The following C4orf54 variants were observed in gnomAD, a reference collection of about 807,000 sequenced individuals.
The protein encoded by C4orf54 is uncharacterized protein C4orf54.
Under a neutral mutation model 80.1 loss-of-function variants are expected in C4orf54, and 67 were observed. The ratio of observed to expected loss-of-function variants is 0.84; its 90% confidence interval spans 0.69 to 1.03. C4orf54 has a LOEUF of 1.03. Among genes scored for constraint, C4orf54 ranks in the 50% least tolerant of loss-of-function variants. The probability of loss-of-function intolerance (pLI) is 0.00; values close to 1 mark genes in which losing one functional copy is unlikely to be tolerated. For synonymous variants in C4orf54, 1,000 were observed against 917.0 expected (o/e 1.09, Z -1.64); for missense variants, 2,434 against 2,253.5 (o/e 1.08, Z -1.62).
At chr4:99,656,937 C>T (rs1474599536) in intron 1 of C4orf54, among the ~76,000 whole-genome samples, 1 of 152,226 alleles carries the variant, frequency 6.6e-6, no homozygotes, top group Non-Finnish European at 1.5e-5. Flanking sequence ...AATTTCATTT[C>T]ATCTGCGTGA....
chr4:99,641,360 G>A (rs1041443901), intron 2 of C4orf54, among the ~76,000 whole-genome samples, 164 bp from the exon 3 acceptor site: 1 of 152,000 alleles, frequency 6.6e-6, no homozygotes, highest in South Asian at 2.1e-4. Context: ...ACATGTGCTT[G>A]GCAAATGTGT....
At chr4:99,644,128 G>A (rs368433783) in intron 2 of C4orf54, among the ~76,000 whole-genome samples, 5 of 152,220 alleles carry the variant, frequency 3.3e-5, no homozygotes, top group African/African-American at 7.2e-5. Flanking sequence ...ATAAGAGCAC[G>A]GGCCACGGAG....
chr4:99,649,828 C>T lies in C4orf54; in HGVS notation c.4821G>A (p.Gln1607=), dbSNP rs749056642. The T allele has an allele frequency of 1.3e-6, 2 of 1,535,150 alleles. No homozygotes were observed. The highest frequency in any genetic ancestry group is 2.4e-5 in the South Asian group (2 of 84,048). ...CATCCAGGAGCATCTTACGCTGGGTCTGTTGAGGCTGTGCCTGCTGGAAGG... is the reference window on the plus strand; with the variant it reads ...CATCCAGGAGCATCTTACGCTGGGTTTGTTGAGGCTGTGCCTGCTGGAAGG... The part of the protein sequence containing the change: ...TDPFQQAQPQ[Q]TQRKMLLDVT... Residue 1607 remains glutamine, a synonymous_variant, in exon 2 of 3, where the codon CAG becomes CAA. Transcript: ENST00000511828.
chr4:99,655,872 C>T (rs974514950), intron 1 of C4orf54, among the ~76,000 whole-genome samples: 3 of 152,212 alleles, frequency 2.0e-5, no homozygotes, highest in Non-Finnish European at 4.4e-5. Context: ...TTGCAGGGAA[C>T]AAAAATAACA....
In C4orf54 at chr4:99,650,315, C is replaced by A; in HGVS notation, c.4334G>T (p.Arg1445Leu). ...LRSLKISPAT[R>L]APPDEVTNRK... ...GTTGGTCACCTCATCAGGAGGTGCC[C>A]GGGTGGCTGGAGAGATCTTGAGGGA... is the stretch of plus-strand genomic sequence containing the variant. Residue 1445 changes from arginine to leucine, a missense_variant, in exon 2 of 3, where the codon CGG (arginine) becomes CTG (leucine). By Grantham distance (102) the Arg-to-Leu change is moderately radical. Coordinates refer to ENST00000511828, the MANE Select transcript of C4orf54 (RefSeq NM_001354435.2). The A allele has an allele frequency of 6.5e-7, 1 of 1,536,016 alleles. No individual in the cohort carries two copies. The highest frequency in any genetic ancestry group is 8.7e-7 in the Non-Finnish European group (1 of 1,146,894).
In C4orf54 at chr4:99,649,372, A is replaced by C; in HGVS notation, c.5277T>G (p.His1759Gln). ...LLGAKAFAQL[H>Q]GKPVISITSQ... is the part of the protein sequence containing the mutation. ...AAGTAATGCTGATGACAGGCTTGCC[A>C]TGCAGCTGGGCAAAGGCCTTGGCCC... The change falls in exon 2 of 3, where the codon CAT (histidine) becomes CAG (glutamine). Residue 1759 changes from histidine (H) to glutamine (Q), a missense_variant. By Grantham distance (24) the His-to-Gln change is conservative. Transcript: ENST00000511828. The C allele has an allele frequency of 6.5e-7, 1 of 1,536,138 alleles. No individual in the cohort carries two copies. The highest frequency in any genetic ancestry group is 8.7e-7 in the Non-Finnish European group (1 of 1,146,910).
At chr4:99,649,183 A>G in intron 2 of C4orf54, 48 bp downstream of exon 2, 4 of 1,410,694 alleles carry the variant, frequency 2.8e-6, no homozygotes, top group Non-Finnish European at 3.7e-6. Flanking sequence ...ACAAAAAAAT[A>G]TTGTTCTTAC....
chr4:99,647,552 CAG>C (rs1384572879), intron 2 of C4orf54, among the ~76,000 whole-genome samples: 1 of 152,136 alleles, frequency 6.6e-6, no homozygotes, highest in African/African-American at 2.4e-5. Context: ...TATCATCACA[CAG>C]TGTCTGTTGC....
In C4orf54 at chr4:99,652,118, G is replaced by T; in HGVS notation, c.2531C>A (p.Thr844Asn). 6.5e-7 allele frequency: 1 copy of T among 1,536,084 alleles called. No homozygotes were observed. Among genetic ancestry groups the T allele is most frequent in the South Asian group, 1.2e-5 (1 of 84,064 alleles). The change falls in exon 2 of 3, where the codon ACC (threonine) becomes AAC (asparagine). Residue 844 changes from threonine (T) to asparagine (N), a missense_variant. Thr to Asn is a moderately conservative substitution (Grantham distance 65). Transcript: ENST00000511828. Reference sequence around the variant, plus strand: ...GCGGGCGCCCTCCGTCTCCTTGGAGGTGCCTGAGAGGTGGTGGGATGTATC... The same window carrying T: ...GCGGGCGCCCTCCGTCTCCTTGGAGTTGCCTGAGAGGTGGTGGGATGTATC... ...VMDTSHHLSG[T>N]SKETEGARGS...
Position 99,649,260 on chromosome 4 carries a change from C to T in C4orf54, c.*7G>A, listed in dbSNP as rs1560636616. 5.4e-6 allele frequency: 8 copies of T among 1,495,056 alleles called. No individual in the cohort carries two copies. Among genetic ancestry groups the T allele is most frequent in the Non-Finnish European group, 7.1e-6 (8 of 1,123,662 alleles). The allele number at this position is 1,495,056 out of a possible 1,614,324, so 92.6% of individuals were successfully genotyped here. A position where few individuals can be genotyped will look rare whatever the true frequency, so the allele number is the denominator to read the frequency against. On this transcript the variant is annotated 3_prime_UTR_variant, in exon 2 of 3. Transcript: ENST00000511828. ...AGTTTTTCATTCCGCTTCCTGGTGG[C>T]TGCTCATCATCTGTGTTCTACCACA...
At position 99,650,015 on chromosome 4, in the gene C4orf54, G is replaced by A. The variant is rs915328392; in HGVS notation, c.4634C>T (p.Ala1545Val). 2.0e-6 allele frequency: 3 copies of A among 1,534,136 alleles called. No homozygotes were observed. The highest frequency in any genetic ancestry group is 1.4e-5 in the African/African-American group (1 of 73,048). ...CTCGGGGCTCTGTGGCCCTGGGGGGGCAGCTACTGTCTCCCGGGGGTTGTC... is the reference window on the plus strand; with the variant it reads ...CTCGGGGCTCTGTGGCCCTGGGGGGACAGCTACTGTCTCCCGGGGGTTGTC... ...KPDNPRETVAAPPGPQSPEHP... is the reference protein window; with the variant it reads ...KPDNPRETVAVPPGPQSPEHP... The change falls in exon 2 of 3, where the codon GCC becomes GTC. Residue 1545 changes from alanine (A) to valine (V), a missense_variant. Coordinates refer to ENST00000511828, the MANE Select transcript of C4orf54 (RefSeq NM_001354435.2).
intron 2 of C4orf54, among the ~76,000 whole-genome samples, chr4:99,643,794 C>CACACACA (rs1560634918): frequency 0.011 from 743 of 64,966 alleles, 5 homozygotes; most frequent in African/African-American, 0.021. Flanking sequence ...ACACACACAC[C>CACACACA]CCCTCCGCGG....
chr4:99,652,182 G>C lies in C4orf54; in HGVS notation c.2467C>G (p.Arg823Gly). The change falls in exon 2 of 3, where the codon CGG becomes GGG. Residue 823 changes from arginine (R) to glycine (G), a missense_variant. Transcript: ENST00000511828. ...LKNVISKKMQREHEFKMERGE... is the reference protein window; with the variant it reads ...LKNVISKKMQGEHEFKMERGE... ...CTCTCCATTTTGAACTCGTGTTCCC[G>C]CTGCATCTTCTTGGAAATGACATTT... 6.5e-7 allele frequency: 1 copy of C among 1,535,976 alleles called. No homozygotes were observed. The highest frequency in any genetic ancestry group is 8.7e-7 in the Non-Finnish European group (1 of 1,146,864).
rs770990018 is a variant in C4orf54, at chr4:99,654,355, T to G, written c.294A>C (p.Thr98=). The G allele has an allele frequency of 2.1e-4, 253 of 1,215,086 alleles. 4 individuals carry two copies. In the South Asian group the frequency reaches 3.2e-3, roughly 15 times the overall value. The allele number at this position is 1,215,086 out of a possible 1,614,324, so 75.3% of individuals were successfully genotyped here. ...EVVAAVAAVP[T]ALGPVQIRGT... ...CACGTATCTGGACTGGCCCCAAGGC[T>G]GTAGGCACTGCTGCCACTGCTGCCA... is the stretch of plus-strand genomic sequence containing the variant. Residue 98 remains threonine (T), a synonymous_variant, in exon 2 of 3, where the codon ACA becomes ACC. Coordinates refer to ENST00000511828, the MANE Select transcript of C4orf54 (RefSeq NM_001354435.2).
At chr4:99,654,755 A>T in intron 1 of C4orf54, 76 bp from the exon 2 acceptor site, 1 of 600,420 alleles carries the variant, frequency 1.7e-6, no homozygotes, top group South Asian at 2.0e-5. Flanking sequence ...TCGAAACCAC[A>T]CTTGAGGGTA....
chr4:99,641,383 T>C (rs1488081325), intron 2 of C4orf54, among the ~76,000 whole-genome samples, 187 bp from the exon 3 acceptor site: 1 of 152,152 alleles, frequency 6.6e-6, no homozygotes, highest in African/African-American at 2.4e-5. Flanking sequence ...ATGAACTTAC[T>C]AAACATTATG....
chr4:99,649,945 G>A lies in C4orf54; in HGVS notation c.4704C>T (p.Thr1568=), dbSNP rs1012700248. ...GGACCTGAGGCTGGGCCCCCTGTAGGGTGAAGGGCAGCGGCGGCTGGTGGT... is the reference window on the plus strand; with the variant it reads ...GGACCTGAGGCTGGGCCCCCTGTAGAGTGAAGGGCAGCGGCGGCTGGTGGT... ...TIYHQPPLPF[T]LQGAQPQVLC... is the part of the protein sequence containing the mutation. The change falls in exon 2 of 3, where the codon ACC becomes ACT. Residue 1568 remains threonine, a synonymous_variant. Coordinates refer to ENST00000511828, the MANE Select transcript of C4orf54 (RefSeq NM_001354435.2). 25 of 1,533,186 alleles carry A rather than the reference G, an allele frequency of 1.6e-5. No homozygotes were observed. Among genetic ancestry groups the A allele is most frequent in the Non-Finnish European group, 1.0e-5 (12 of 1,144,784 alleles). 95.0% of individuals were successfully genotyped at this position (1,533,186 alleles called of 1,614,324 possible).
chr4:99,643,794 C>CACACACACACACACACACACA (rs1560634918), intron 2 of C4orf54, among the ~76,000 whole-genome samples: 2 of 65,176 alleles, frequency 3.1e-5, no homozygotes, highest in African/African-American at 9.2e-5. Flanking sequence ...ACACACACAC[C>CACACACACACACACACACACA]CCCTCCGCGG....
chr4:99,654,353 G>T lies in C4orf54; in HGVS notation c.296C>A (p.Ala99Asp), dbSNP rs1329490182. Reference sequence around the variant, plus strand: ...CCCACGTATCTGGACTGGCCCCAAGGCTGTAGGCACTGCTGCCACTGCTGC... The same window carrying T: ...CCCACGTATCTGGACTGGCCCCAAGTCTGTAGGCACTGCTGCCACTGCTGC... ...VVAAVAAVPT[A>D]LGPVQIRGTL... The change falls in exon 2 of 3, where the codon GCC (alanine) becomes GAC (aspartate). Residue 99 changes from alanine (A) to aspartate (D), a missense_variant. Physicochemically the swap from Ala to Asp is moderately radical, Grantham distance 126. Coordinates refer to ENST00000511828, the MANE Select transcript of C4orf54 (RefSeq NM_001354435.2). 1.6e-6 allele frequency: 2 copies of T among 1,257,152 alleles called. No homozygotes were observed. The highest frequency in any genetic ancestry group is 2.2e-6 in the Non-Finnish European group (2 of 892,528). 77.9% of individuals were successfully genotyped at this position (1,257,152 alleles called of 1,614,324 possible). A position where few individuals can be genotyped will look rare whatever the true frequency, so the allele number is the denominator to read the frequency against.
Sources: allele counts gnomAD v4.1 joint callset (sites outside exome capture counted in the v4.1 genomes callset), GRCh38; gene constraint gnomAD v4.1.1; transcripts MANE v1.5; gene names NCBI Gene and HGNC (gene_info 2026-07-23, HGNC 2026-07-21).